Variants in FBXW11 observed in about 807,000 individuals in gnomAD.
FBXW11 encodes F-box/WD repeat-containing protein 11.
FBXW11 carries 19 observed loss-of-function variants against 77.6 expected under a neutral mutation model. That is an observed-to-expected ratio of 0.24 (90% CI 0.17 to 0.36). The LOEUF is 0.36. Ranked by LOEUF, FBXW11 falls within the 10% of genes least tolerant of loss-of-function variation. The pLI, the probability that FBXW11 is intolerant of heterozygous loss-of-function variation, is 1.00. For missense variants in FBXW11, 334 were observed against 704.2 expected (o/e 0.47, Z 5.95); for synonymous variants, 235 against 249.4 (o/e 0.94, Z 0.54).
intron 2 of FBXW11, among the ~76,000 whole-genome samples, chr5:171,952,820 C>T (rs868759154): frequency 6.6e-6 from 1 of 151,956 alleles, no homozygotes; most frequent in African/African-American, 2.4e-5. Context: ...AGGCCCAACA[C>T]AAATTCGTAA....
chr5:171,987,020 A>T (rs1765480162), intron 1 of FBXW11, among the ~76,000 whole-genome samples: 1 of 152,134 alleles, frequency 6.6e-6, no homozygotes, highest in African/African-American at 2.4e-5. Context: ...AGAAGCAGGA[A>T]CCCTACTGTG....
intron 3 of FBXW11, among the ~76,000 whole-genome samples, 167 bp downstream of exon 3, chr5:171,914,176 C>A (rs566886717): frequency 6.6e-6 from 1 of 152,198 alleles, no homozygotes; most frequent in Non-Finnish European, 1.5e-5. Flanking sequence ...TTTGTAATGA[C>A]AATTCCCTAT....
chr5:171,884,792 G>A (rs1318831966), intron 7 of FBXW11, among the ~76,000 whole-genome samples: 19 of 152,062 alleles, frequency 1.2e-4, no homozygotes, highest in Admixed American at 1.2e-3. Flanking sequence ...GAGGTCTTTT[G>A]ACTCCTTGAT....
At position 171,863,739 on chromosome 5, in the gene FBXW11, TA is replaced by T. The variant is rs1219798112; in HGVS notation, c.*387del. ...TTCACTGAAGAAGAATGCTGTTTCTTAATATCAAACCAAAGTGCAAAGCAAT... is the reference window on the plus strand; with the variant it reads ...TTCACTGAAGAAGAATGCTGTTTCTTATATCAAACCAAAGTGCAAAGCAAT... On this transcript the variant is annotated 3_prime_UTR_variant, in exon 14 of 14. Transcript: ENST00000517395. 1 of 152,666 alleles carries T rather than the reference TA, an allele frequency of 6.6e-6. No homozygotes were observed. Among genetic ancestry groups the T allele is most frequent in the Non-Finnish European group, 1.5e-5 (1 of 68,044 alleles). 9.5% of individuals were successfully genotyped at this position (152,666 alleles called of 1,614,324 possible). A position where few individuals can be genotyped will look rare whatever the true frequency, so the allele number is the denominator to read the frequency against.
At chr5:172,003,260 T>A (rs1311313675) in intron 1 of FBXW11, 3 of 152,194 alleles carry the variant, frequency 2.0e-5, no homozygotes, top group African/African-American at 7.2e-5. Context: ...AATCTAATCA[T>A]CTTTCTCTTC....
intron 1 of FBXW11, among the ~76,000 whole-genome samples, chr5:171,994,897 G>A (rs1765946709): frequency 6.6e-6 from 1 of 152,126 alleles, no homozygotes; most frequent in Admixed American, 6.6e-5. Flanking sequence ...AATTAGCTGG[G>A]CATGGTGGCA....
chr5:171,974,581 G>A (rs1172640333), intron 1 of FBXW11, among the ~76,000 whole-genome samples: 1 of 151,840 alleles, frequency 6.6e-6, no homozygotes, highest in Admixed American at 6.6e-5. Context: ...AAGAAGCCGA[G>A]CATAACCTAT....
intron 1 of FBXW11, among the ~76,000 whole-genome samples, chr5:171,991,493 A>G (rs771872184): frequency 4.1e-4 from 62 of 152,202 alleles, no homozygotes; most frequent in Non-Finnish European, 1.3e-4. Flanking sequence ...TGTGATGTTA[A>G]AAGTGTGTGT....
intron 1 of FBXW11, among the ~76,000 whole-genome samples, chr5:171,980,457 T>A (rs1765078839): frequency 6.6e-6 from 1 of 152,192 alleles, no homozygotes; most frequent in Non-Finnish European, 1.5e-5. Flanking sequence ...ACAGGAGATG[T>A]CTGCAATATA....
intron 1 of FBXW11, among the ~76,000 whole-genome samples, chr5:171,968,657 C>T (rs1487922292): frequency 6.6e-6 from 1 of 152,086 alleles, no homozygotes; most frequent in Non-Finnish European, 1.5e-5. Context: ...TTCCAGGTGA[C>T]AAAACTAAAA....
chr5:171,873,043 A>G, intron 9 of FBXW11, 53 bp from the exon 10 acceptor site: 2 of 1,380,222 alleles, frequency 1.4e-6, no homozygotes, highest in Non-Finnish European at 2.0e-6. Context: ...AAGTCCTCTC[A>G]CAATATACCT....
At chr5:171,928,684 C>A (rs1762011979) in intron 2 of FBXW11, among the ~76,000 whole-genome samples, 1 of 152,214 alleles carries the variant, frequency 6.6e-6, no homozygotes, top group Non-Finnish European at 1.5e-5. Context: ...TATAATGAAA[C>A]ATCATCATAC....
chr5:171,997,776 G>A (rs1388196022), intron 1 of FBXW11, among the ~76,000 whole-genome samples: 3 of 152,074 alleles, frequency 2.0e-5, no homozygotes, highest in Non-Finnish European at 4.4e-5. Context: ...AAATTAGACT[G>A]CAAATTCTAA....
chr5:171,932,527 A>G (rs1762263345), intron 2 of FBXW11, among the ~76,000 whole-genome samples: 1 of 152,166 alleles, frequency 6.6e-6, no homozygotes, highest in African/African-American at 2.4e-5. Flanking sequence ...TTACATGTAT[A>G]TAATGTGTAG....
Position 171,957,630 on chromosome 5 carries a change from G to A in FBXW11, c.114C>T (p.Cys38=). The A allele has an allele frequency of 6.2e-7, 1 of 1,614,184 alleles. No homozygotes were observed. The highest frequency in any genetic ancestry group is 8.5e-7 in the Non-Finnish European group (1 of 1,180,012). ...ATCTGACACTGGGCATGCTCTGCAG[G>A]CAACTCAGTGCGCACATGCTCTCTA... The part of the protein sequence containing the change: ...NLVESMCALS[C]LQSMPSVRCL... The change falls in exon 2 of 14, where the codon TGC becomes TGT. Residue 38 remains cysteine, a synonymous_variant. Coordinates refer to ENST00000517395, the MANE Select transcript of FBXW11 (RefSeq NM_001378974.1).
At chr5:172,005,747 C>T (rs1052552710) in intron 1 of FBXW11, among the ~76,000 whole-genome samples, 1 of 152,030 alleles carries the variant, frequency 6.6e-6, no homozygotes, top group Admixed American at 6.6e-5. Context: ...CTCTGGAAAA[C>T]GTGAAGTTGC....
intron 1 of FBXW11, among the ~76,000 whole-genome samples, chr5:171,960,114 G>A (rs55919502): frequency 8.6e-4 from 131 of 152,274 alleles, no homozygotes; most frequent in Non-Finnish European, 1.6e-3. Flanking sequence ...GGTGGCTCAC[G>A]CCTATAGCCC....
chr5:171,891,353 G>A (rs1206855260), intron 7 of FBXW11, 114 bp downstream of exon 7: 1 of 957,498 alleles, frequency 1.0e-6, no homozygotes, highest in Non-Finnish European at 1.5e-6. Context: ...GAGCTGCCAA[G>A]ATTGAGTGGA....
At chr5:171,958,199 C>T (rs917529928) in intron 1 of FBXW11, among the ~76,000 whole-genome samples, 2 of 152,130 alleles carry the variant, frequency 1.3e-5, no homozygotes, top group South Asian at 2.1e-4. Context: ...AAGTGATTCG[C>T]GCAAGGACAC....
Sources: allele counts gnomAD v4.1 joint callset (sites outside exome capture counted in the v4.1 genomes callset), GRCh38; gene constraint gnomAD v4.1.1; transcripts MANE v1.5; gene names NCBI Gene and HGNC (gene_info 2026-07-23, HGNC 2026-07-21).